Variants in KCNH1 observed in about 807,000 individuals in gnomAD.
KCNH1 encodes the protein potassium voltage-gated channel subfamily H member 1.
KCNH1 carries 27 observed loss-of-function variants against 69.2 expected under a neutral mutation model. That is an observed-to-expected ratio of 0.39 (90% CI 0.29 to 0.54). KCNH1 has a LOEUF of 0.54. KCNH1 is among the 20% of genes least tolerant of loss of function. KCNH1 has a pLI of 0.68. For missense variants in KCNH1, 798 were observed against 1,261.6 expected (o/e 0.63, Z 5.57); for synonymous variants, 456 against 487.7 (o/e 0.93, Z 0.86).
In KCNH1 at chr1:211,133,820, G is replaced by A. The variant is rs778578764; in HGVS notation, c.79+47C>T. The A allele has an allele frequency of 2.6e-6, 4 of 1,541,858 alleles. No homozygotes were observed. The Admixed American group carries it at 5.1e-5, about 20-fold the overall frequency. On this transcript the variant is annotated intron_variant, in intron 1 of 10. Transcript: ENST00000271751. The surrounding 1 kb of genome is among the most constrained non-coding windows in gnomAD (Gnocchi z 5.4). ...AGCGGCGAGAGGTTCTGCAATAAAG[G>A]CACGGATAAAACGCCCGGGTAATCG...
chr1:210,815,620 G>T (rs201817298), intron 7 of KCNH1, among the ~76,000 whole-genome samples: 2 of 152,044 alleles, frequency 1.3e-5, no homozygotes, highest in Non-Finnish European at 2.9e-5. Flanking sequence ...TCTCTACAGG[G>T]CTAGTTCACC....
intron 10 of KCNH1, among the ~76,000 whole-genome samples, chr1:210,728,529 A>G (rs938867524): frequency 6.6e-6 from 1 of 152,168 alleles, no homozygotes. Flanking sequence ...GAAATCTTAA[A>G]TAAATTTCTC....
intron 5 of KCNH1, among the ~76,000 whole-genome samples, chr1:211,047,896 T>A (rs4951713): frequency 0.044 from 6,683 of 150,922 alleles, 265 homozygotes; most frequent in East Asian, 0.12. Context: ...GCTAAGGACA[T>A]GAATAGACAA....
intron 5 of KCNH1, among the ~76,000 whole-genome samples, chr1:211,046,593 C>T (rs893488295): frequency 1.1e-4 from 17 of 152,162 alleles, no homozygotes; most frequent in African/African-American, 4.1e-4. Flanking sequence ...AGAAAAGTAA[C>T]TTGTCCAAGG....
rs539175186 is a variant in KCNH1 at position 210,871,437 on chromosome 1, C to G, written c.1462+48203G>C. On this transcript the variant is annotated intron_variant, in intron 7 of 10. Coordinates refer to ENST00000271751, the MANE Select transcript of KCNH1 (RefSeq NM_172362.3). The stretch of plus-strand genomic sequence containing the variant: ...GAGAGGATGTGGAGAAATAGGAACA[C>G]TTTTACACTGTTGGTGGGACTGTAA... Among the ~76,000 whole-genome samples the G allele has an allele frequency of 2.0e-5, 3 of 152,302 alleles. No homozygotes were observed. In the East Asian group the frequency reaches 5.8e-4, roughly 29 times the overall value.
chr1:210,695,910 T>C (rs1681629276), intron 10 of KCNH1, among the ~76,000 whole-genome samples: 1 of 152,200 alleles, frequency 6.6e-6, no homozygotes, highest in South Asian at 2.1e-4. Flanking sequence ...TGTTAGGGTC[T>C]GCCAGTGGCA....
At chr1:210,918,389 C>T (rs1271165300) in intron 7 of KCNH1, among the ~76,000 whole-genome samples, 4 of 152,208 alleles carry the variant, frequency 2.6e-5, no homozygotes, top group South Asian at 4.1e-4. Flanking sequence ...ACCGTCTTCT[C>T]ACATCTGAAT....
chr1:210,765,966 G>A (rs1309764935), intron 10 of KCNH1, among the ~76,000 whole-genome samples: 1 of 152,162 alleles, frequency 6.6e-6, no homozygotes. Flanking sequence ...GGGAGGCTGA[G>A]GCAGGAGAAT....
At chr1:210,925,628 T>C (rs796729312) in intron 6 of KCNH1, among the ~76,000 whole-genome samples, 1 of 152,152 alleles carries the variant, frequency 6.6e-6, no homozygotes, top group Non-Finnish European at 1.5e-5. Context: ...CCTGGTGACC[T>C]GTATGACTCA....
intron 7 of KCNH1, among the ~76,000 whole-genome samples, chr1:210,890,795 C>T (rs1686732475): frequency 6.6e-6 from 1 of 152,102 alleles, no homozygotes; most frequent in South Asian, 2.1e-4. Flanking sequence ...AAGAAAAGTT[C>T]ATCATCAGTG....
At chr1:210,918,423 T>C (rs1687391041) in intron 7 of KCNH1, among the ~76,000 whole-genome samples, 1 of 152,230 alleles carries the variant, frequency 6.6e-6, no homozygotes, top group African/African-American at 2.4e-5. Context: ...GCCCACAGCA[T>C]GCACTTGGCA....
intron 6 of KCNH1, among the ~76,000 whole-genome samples, chr1:210,955,769 C>T (rs112344219): frequency 0.055 from 8,299 of 152,236 alleles, 736 homozygotes; most frequent in African/African-American, 0.19. Flanking sequence ...TGAGACTTCA[C>T]TGAAGTTGCT....
At chr1:210,903,933 G>A (rs541726274) in intron 7 of KCNH1, among the ~76,000 whole-genome samples, 9 of 152,188 alleles carry the variant, frequency 5.9e-5, no homozygotes, top group Admixed American at 4.6e-4. Flanking sequence ...TCCCATTCTC[G>A]CCCCTAAGAG....
chr1:210,966,848 C>A (rs1688414626), intron 6 of KCNH1, among the ~76,000 whole-genome samples: 1 of 152,174 alleles, frequency 6.6e-6, no homozygotes, highest in African/African-American at 2.4e-5. Flanking sequence ...CCATTTGACC[C>A]AGCAATTCCA....
In KCNH1 at chr1:211,075,082, G is replaced by A. The variant is rs574255503; in HGVS notation, c.558+7698C>T. ...GAAAACCAAAAAGGCCAGTGTAGCC[G>A]AATAAGAGTGAGCAAGGGGAGAGAT... is the stretch of plus-strand genomic sequence containing the variant. On this transcript the variant is annotated intron_variant, in intron 5 of 10. Transcript: ENST00000271751. 4.8e-4 allele frequency among the ~76,000 whole-genome samples: 73 copies of A among 152,300 alleles called. 1 individual carries two copies. The highest frequency in any genetic ancestry group is 1.2e-3 in the Admixed American group (18 of 15,290).
chr1:211,113,162 AT>A (rs1194375372), intron 1 of KCNH1, among the ~76,000 whole-genome samples: 2 of 152,134 alleles, frequency 1.3e-5, no homozygotes, highest in East Asian at 3.9e-4. Flanking sequence ...GGATTTCATC[AT>A]TTTACTCATG....
At position 210,906,512 on chromosome 1, in the gene KCNH1, G is replaced by A. The variant is rs540340967; in HGVS notation, c.1462+13128C>T. Among the ~76,000 whole-genome samples the A allele has an allele frequency of 5.9e-5, 9 of 152,338 alleles. No individual in the cohort carries two copies. The South Asian group carries it at 1.9e-3, about 32-fold the overall frequency. On this transcript the variant is annotated intron_variant, in intron 7 of 10. Coordinates refer to ENST00000271751, the MANE Select transcript of KCNH1 (RefSeq NM_172362.3). Reference sequence around the variant, plus strand: ...CTTATTGTCATTCCACACAGTGACCGTCTTGGTTCCAGCTTTCAGCAGTAT... The same window carrying A: ...CTTATTGTCATTCCACACAGTGACCATCTTGGTTCCAGCTTTCAGCAGTAT...
intron 1 of KCNH1, among the ~76,000 whole-genome samples, chr1:211,117,467 C>T (rs1352846076): frequency 2.0e-5 from 3 of 152,094 alleles, no homozygotes; most frequent in African/African-American, 7.2e-5. Flanking sequence ...CCTGAGCTTC[C>T]ATGTGAAAAG....
intron 6 of KCNH1, among the ~76,000 whole-genome samples, chr1:210,959,502 T>C (rs1445747852): frequency 6.6e-6 from 1 of 152,236 alleles, no homozygotes; most frequent in African/African-American, 2.4e-5. Flanking sequence ...CTGCCTTTTG[T>C]TCAGCTATGC....
Sources: allele counts gnomAD v4.1 joint callset (sites outside exome capture counted in the v4.1 genomes callset), GRCh38; gene constraint gnomAD v4.1.1; non-coding constraint Gnocchi (gnomAD v3.1); transcripts MANE v1.5; gene names NCBI Gene and HGNC (gene_info 2026-07-23, HGNC 2026-07-21).